DPF2: variants seen among roughly 807,000 people sequenced by gnomAD.
DPF2 encodes zinc finger protein ubi-d4.
Under a neutral mutation model 59.6 loss-of-function variants are expected in DPF2, and 10 were observed. The observed-to-expected ratio is 0.17, with a 90% CI of 0.10 to 0.28. The LOEUF (loss-of-function observed/expected upper bound fraction) is 0.28. Among genes scored for constraint, DPF2 ranks in the 10% least tolerant of loss-of-function variants. The probability of loss-of-function intolerance (pLI) is 1.00; values close to 1 mark genes in which losing one functional copy is unlikely to be tolerated. For missense variants in DPF2, 315 were observed against 509.4 expected, an observed-to-expected ratio of 0.62 and a Z score of 3.67; for synonymous variants, 189 against 190.6, an observed-to-expected ratio of 0.99 and a Z score of 0.07.
chr11:65,340,834 C>T (rs1854345679), intron 2 of DPF2, 132 bp from the exon 3 acceptor site: 5 of 942,888 alleles, frequency 5.3e-6, no homozygotes, highest in Middle Eastern at 3.2e-4. Flanking sequence ...CCACCTAACC[C>T]CCTAGGCCCT....
In DPF2 at chr11:65,348,935, A is replaced by C. The variant is rs1485069358; in HGVS notation, c.1099+4A>C. ...TCCATGTCTGAGCCCCCTGAAGGTA[A>C]GTTGCCCAGATCTTTTACTCAGAAC... is the stretch of plus-strand genomic sequence containing the variant. On this transcript the variant is annotated splice_donor_region_variant and intron_variant, in intron 10 of 10. Transcript: ENST00000528416. The C allele has an allele frequency of 6.2e-7, 1 of 1,614,038 alleles. No individual in the cohort carries two copies. The highest frequency in any genetic ancestry group is 1.3e-5 in the African/African-American group (1 of 74,914).
intron 4 of DPF2, among the ~76,000 whole-genome samples, chr11:65,343,335 G>T (rs1337946216): frequency 6.7e-6 from 1 of 150,120 alleles, no homozygotes; most frequent in South Asian, 2.1e-4. Context: ...TTCCCACAAG[G>T]TCACACAAAT....
intron 1 of DPF2, among the ~76,000 whole-genome samples, chr11:65,340,062 A>G (rs896065253): frequency 5.9e-5 from 9 of 152,236 alleles, no homozygotes; most frequent in Non-Finnish European, 1.5e-5. Flanking sequence ...GAGAAATAGC[A>G]TCTTAACTAG....
intron 1 of DPF2, among the ~76,000 whole-genome samples, chr11:65,337,607 T>G (rs181368944): frequency 5.3e-4 from 79 of 148,364 alleles, no homozygotes; most frequent in Middle Eastern, 3.4e-3. Flanking sequence ...TTGTTATTGC[T>G]TTTTTTTGTT....
At position 65,346,276 on chromosome 11, in the gene DPF2, G is replaced by A. The variant is rs1419389393; in HGVS notation, c.934G>A (p.Val312Met). The A allele has an allele frequency of 2.1e-5, 34 of 1,613,644 alleles. No homozygotes were observed. The highest frequency in any genetic ancestry group is 1.6e-4 in the Middle Eastern group (1 of 6,084). Residue 312 changes from valine (V) to methionine (M), a missense_variant, in exon 9 of 11, where the codon GTG (valine) becomes ATG (methionine). By Grantham distance (21) the Val-to-Met change is conservative. Around this residue, in one of 4 missense-constraint regions of DPF2, gnomAD observed 27 missense variants for 125.8 expected, o/e 0.21. Transcript: ENST00000528416. ...TCCATCTTGCCTCCAATTTACCCCC[G>A]TGATGATGGCGGCAGTGAAGACATA... is the stretch of plus-strand genomic sequence containing the variant. ...GHPSCLQFTP[V>M]MMAAVKTYRW...
chr11:65,341,711 T>A, intron 4 of DPF2, 149 bp downstream of exon 4: 2 of 1,038,636 alleles, frequency 1.9e-6, no homozygotes, highest in Non-Finnish European at 2.7e-6. Flanking sequence ...CCCTGATTAT[T>A]GTCAGGTACT....
chr11:65,341,020 G>A lies in DPF2; in HGVS notation c.248G>A (p.Arg83Gln), dbSNP rs199801105. The A allele has an allele frequency of 2.2e-5, 35 of 1,614,114 alleles. No individual in the cohort carries two copies. In the Admixed American group the frequency reaches 3.0e-4, roughly 14 times the overall value. The change falls in exon 3 of 11, where the codon CGG (arginine) becomes CAG (glutamine). Residue 83 changes from arginine to glutamine, a missense_variant. By Grantham distance (43) the Arg-to-Gln change is conservative (BLOSUM62 1). Transcript: ENST00000528416. ...SYPARRWRKK[R>Q]RAHPPEDPRL... The stretch of plus-strand genomic sequence containing the variant: ...CCTGCCCGGCGCTGGCGGAAAAAGC[G>A]GCGAGCCCATCCCCCTGAGGATCCA...
intron 1 of DPF2, among the ~76,000 whole-genome samples, chr11:65,334,946 C>T (rs1950076220): frequency 6.6e-6 from 1 of 152,098 alleles, no homozygotes; most frequent in Admixed American, 6.6e-5. Context: ...CTGTCTTTGT[C>T]GTGGCCTGAG....
In DPF2 at chr11:65,340,951, T is replaced by A. The variant is rs757571169; in HGVS notation, c.194-15T>A. Reference sequence around the variant, plus strand: ...CTGGGTTAGGGCCTGACTTCTATCTTTCTTCCTGCCACAGGATTGGCCTCC... The same window carrying A: ...CTGGGTTAGGGCCTGACTTCTATCTATCTTCCTGCCACAGGATTGGCCTCC... On this transcript the variant is annotated splice_polypyrimidine_tract_variant and intron_variant, in intron 2 of 10. Transcript: ENST00000528416. 1 of 1,613,380 alleles carries A rather than the reference T, an allele frequency of 6.2e-7. No individual in the cohort carries two copies.
chr11:65,341,077 A>G lies in DPF2; in HGVS notation c.301+4A>G, dbSNP rs758428310. 12 of 1,613,762 alleles carry G rather than the reference A, an allele frequency of 7.4e-6. No homozygotes were observed. The African/African-American group carries it at 8.0e-5, about 11-fold the overall frequency. On this transcript the variant is annotated splice_donor_region_variant and intron_variant, in intron 3 of 10. Coordinates refer to ENST00000528416, the MANE Select transcript of DPF2 (RefSeq NM_006268.5). ...TCCTTCCCATCTATTAAGCCAGGTA[A>G]GGCACATACTTCCTGAGCAGAGGCG...
chr11:65,337,490 T>G (rs1404320538), intron 1 of DPF2, among the ~76,000 whole-genome samples: 1 of 67,012 alleles, frequency 1.5e-5, no homozygotes, highest in Non-Finnish European at 2.8e-5. Context: ...TATATATATA[T>G]ATATATATAT....
intron 10 of DPF2, 145 bp from the exon 11 acceptor site, chr11:65,351,538 A>G: frequency 1.4e-6 from 1 of 695,562 alleles, no homozygotes; most frequent in Non-Finnish European, 2.6e-6. Flanking sequence ...CAGCTCAGGA[A>G]ACCATGGAAC....
chr11:65,347,554 A>C (rs1373592207), intron 9 of DPF2: 1 of 151,314 alleles, frequency 6.6e-6, no homozygotes, highest in Non-Finnish European at 1.5e-5. Flanking sequence ...AGCTGGTCTC[A>C]AACTCCTGAG....
At position 65,337,504 on chromosome 11, in the gene DPF2, T is replaced by TAGAGAGAGAGAGAG. The variant is rs1188984367; in HGVS notation, c.33-2851_33-2838dup. Among the ~76,000 whole-genome samples the TAGAGAGAGAGAGAG allele has an allele frequency of 1.7e-3, 36 of 21,380 alleles. 1 individual carries two copies. The highest frequency in any genetic ancestry group is 2.2e-3 in the Non-Finnish European group (27 of 12,340). The allele number at this position is 21,380 out of a possible 152,430, so 14.0% of individuals were successfully genotyped here. A position where few individuals can be genotyped will look rare whatever the true frequency, so the allele number is the denominator to read the frequency against. ...ATATATATATATATATATATATATATAGAGAGAGAGAGAGAGAGAGAGAGA... is the reference window on the plus strand; with the variant it reads ...ATATATATATATATATATATATATATAGAGAGAGAGAGAGAGAGAGAGAGAGAGAGAGAGAGAGA... On this transcript the variant is annotated intron_variant, in intron 1 of 10. Coordinates refer to ENST00000528416, the MANE Select transcript of DPF2 (RefSeq NM_006268.5).
intron 4 of DPF2, 130 bp from the exon 5 acceptor site, chr11:65,343,615 G>C: frequency 1.3e-6 from 1 of 753,732 alleles, no homozygotes; most frequent in Non-Finnish European, 2.2e-6. Context: ...AAAGGCGTTG[G>C]TGAGGAATGA....
At chr11:65,338,013 C>G (rs1854257790) in intron 1 of DPF2, among the ~76,000 whole-genome samples, 1 of 152,120 alleles carries the variant, frequency 6.6e-6, no homozygotes, top group Non-Finnish European at 1.5e-5. Flanking sequence ...CATGTTGAGG[C>G]TGGTCTCGAA....
At chr11:65,341,307 A>G in intron 3 of DPF2, 92 bp from the exon 4 acceptor site, 3 of 1,556,508 alleles carry the variant, frequency 1.9e-6, no homozygotes, top group Admixed American at 1.8e-5. Context: ...AAAGATAGTG[A>G]CAGACCTTTG....
rs185459339 is a variant in DPF2, at chr11:65,350,469, G to A, written c.1100-1214G>A. Among the ~76,000 whole-genome samples, 348 of 145,614 alleles carry A rather than the reference G, an allele frequency of 2.4e-3. 3 individuals carry two copies. Among genetic ancestry groups the A allele is most frequent in the African/African-American group, 8.5e-3 (330 of 39,006 alleles). The stretch of plus-strand genomic sequence containing the variant: ...AGCTCACTGCAACCTCTGCTTCCCC[G>A]GGCTCAGGTAATCTGGTAATCCTCC... On this transcript the variant is annotated intron_variant, in intron 10 of 10. Coordinates refer to ENST00000528416, the MANE Select transcript of DPF2 (RefSeq NM_006268.5).
chr11:65,337,488 TATATATATATATATATAGAG>T (rs1278543810), intron 1 of DPF2, among the ~76,000 whole-genome samples: 3 of 62,032 alleles, frequency 4.8e-5, no homozygotes, highest in African/African-American at 1.3e-4. Context: ...TATATATATA[TATATATATATATATATAGAG>T]AGAGAGAGAG....
Sources: allele counts gnomAD v4.1 joint callset (sites outside exome capture counted in the v4.1 genomes callset), GRCh38; gene constraint gnomAD v4.1.1; regional missense constraint gnomAD v4.1.1; transcripts MANE v1.5; gene names NCBI Gene and HGNC (gene_info 2026-07-23, HGNC 2026-07-21).